PHC1: variants seen among roughly 807,000 people sequenced by gnomAD.
PHC1 encodes polyhomeotic-like protein 1.
PHC1 carries 12 observed loss-of-function variants against 104.3 expected under a neutral mutation model. The ratio of observed to expected loss-of-function variants is 0.12; its 90% confidence interval spans 0.07 to 0.19. The LOEUF (loss-of-function observed/expected upper bound fraction) is 0.19. Ranked by LOEUF, PHC1 falls within the 10% of genes least tolerant of loss-of-function variation. The probability of loss-of-function intolerance (pLI) is 1.00; values close to 1 mark genes in which losing one functional copy is unlikely to be tolerated. For missense variants in PHC1, 671 were observed against 1,200.0 expected, an observed-to-expected ratio of 0.56 and a Z score of 6.51; for synonymous variants, 302 against 455.8, an observed-to-expected ratio of 0.66 and a Z score of 4.30.
intron 10 of PHC1, among the ~76,000 whole-genome samples, 176 bp downstream of exon 10, chr12:8,934,654 A>G (rs1945783704): frequency 6.6e-6 from 1 of 151,938 alleles, no homozygotes; most frequent in African/African-American, 2.4e-5. Flanking sequence ...CCATAAAATG[A>G]AAATGTTAGG....
In PHC1 at chr12:8,921,785, G is replaced by T. The variant is rs200741576; in HGVS notation, c.456+35G>T. ...AGATGCAGTCACCATTGCCCCAGAGGCATAATTGTCTGGCCCTGGCAAAGA... is the reference window on the plus strand; with the variant it reads ...AGATGCAGTCACCATTGCCCCAGAGTCATAATTGTCTGGCCCTGGCAAAGA... On this transcript the variant is annotated intron_variant, in intron 5 of 14. Transcript: ENST00000544916. 3.2e-4 allele frequency: 498 copies of T among 1,536,340 alleles called. 1 individual carries two copies. Among genetic ancestry groups the T allele is most frequent in the Non-Finnish European group, 4.0e-4 (454 of 1,143,270 alleles).
In PHC1 at chr12:8,937,974, T is replaced by C. The variant is rs1287232722; in HGVS notation, c.2774T>C (p.Leu925Ser). The change falls in exon 14 of 15, where the codon TTA becomes TCA. Residue 925 changes from leucine (L) to serine (S), a missense_variant. By Grantham distance (145) the Leu-to-Ser change is moderately radical. This residue lies in a region of PHC1 where 192 missense variants were observed against 280.5 expected (regional missense o/e 0.68). Coordinates refer to ENST00000544916, the MANE Select transcript of PHC1 (RefSeq NM_004426.3). ...NPNTAPPTPELHGINPVFLSS... is the reference protein window; with the variant it reads ...NPNTAPPTPESHGINPVFLSS... ...AATACAGCTCCACCTACACCGGAAT[T>C]ACATGGCATCAACCCTGTGTTCCTG... is the stretch of plus-strand genomic sequence containing the variant. 1 of 1,605,866 alleles carries C rather than the reference T, an allele frequency of 6.2e-7. No individual in the cohort carries two copies. Among genetic ancestry groups the C allele is most frequent in the South Asian group, 1.1e-5 (1 of 90,692 alleles).
Position 8,935,009 on chromosome 12 carries a change from G to A in PHC1, c.2254-115G>A, listed in dbSNP as rs147789115. ...AAGTGATTCTCTCTGAACCAGACTT[G>A]GTCATTAACTCAGAGATCCAAGCAG... On this transcript the variant is annotated intron_variant, in intron 10 of 14. Transcript: ENST00000544916. 6.7e-4 allele frequency: 399 copies of A among 599,564 alleles called. 1 individual carries two copies. Among genetic ancestry groups the A allele is most frequent in the African/African-American group, 6.3e-3 (333 of 53,078 alleles). The allele number at this position is 599,564 out of a possible 1,614,324, so 37.1% of individuals were successfully genotyped here.
At chr12:8,934,575 T>G in intron 10 of PHC1, 97 bp downstream of exon 10, 1 of 795,598 alleles carries the variant, frequency 1.3e-6, no homozygotes, top group Non-Finnish European at 2.0e-6. Flanking sequence ...CAGAACTATT[T>G]AATGAAAGAA....
chr12:8,934,344 G>T lies in PHC1; in HGVS notation c.2119G>T (p.Val707Leu). The change falls in exon 10 of 15, where the codon GTA (valine) becomes TTA (leucine). Residue 707 changes from valine to leucine, a missense_variant. By Grantham distance (32) the Val-to-Leu change is conservative. Coordinates refer to ENST00000544916, the MANE Select transcript of PHC1 (RefSeq NM_004426.3). ...ELVALTPAPS[V>L]PPPTLAMVSR... ...AGTAGCCTTGACCCCCGCCCCTTCA[G>T]TACCGCCTCCTACACTAGCCATGGT... is the stretch of plus-strand genomic sequence containing the variant. 1 of 1,614,080 alleles carries T rather than the reference G, an allele frequency of 6.2e-7. No individual in the cohort carries two copies. The highest frequency in any genetic ancestry group is 8.5e-7 in the Non-Finnish European group (1 of 1,179,970).
In PHC1 at chr12:8,936,924, C is replaced by G. The variant is rs763300994; in HGVS notation, c.2437C>G (p.Arg813Gly). 6.2e-7 allele frequency: 1 copy of G among 1,612,906 alleles called. No individual in the cohort carries two copies. The highest frequency in any genetic ancestry group is 8.5e-7 in the Non-Finnish European group (1 of 1,179,010). ...GAAGTACGCCCCCGCAGAGCAGTTT[C>G]GTGGCTCTAAGAGGTTCTGCTCCAT... ...CGKYAPAEQF[R>G]GSKRFCSMTC... Residue 813 changes from arginine to glycine, a missense_variant, in exon 12 of 15, where the codon CGT becomes GGT. Physicochemically the swap from Arg to Gly is moderately radical, Grantham distance 125. Around this residue, in one of 9 missense-constraint regions of PHC1, gnomAD observed 192 missense variants for 280.5 expected, o/e 0.68. Coordinates refer to ENST00000544916, the MANE Select transcript of PHC1 (RefSeq NM_004426.3).
At chr12:8,920,023 C>T (rs1945315929) in intron 3 of PHC1, 157 bp downstream of exon 3, 6 of 1,177,352 alleles carry the variant, frequency 5.1e-6, no homozygotes, top group Non-Finnish European at 7.1e-6. Flanking sequence ...TGCATCTTAG[C>T]TTCTGGGGTT....
At chr12:8,920,103 C>T (rs143470799) in intron 3 of PHC1, among the ~76,000 whole-genome samples, 1 of 152,162 alleles carries the variant, frequency 6.6e-6, no homozygotes, top group African/African-American at 2.4e-5. Context: ...TGTCTAATAA[C>T]GTAGTCACTA....
At chr12:8,931,027 C>T (rs1945669312) in intron 7 of PHC1, 100 bp downstream of exon 7, 3 of 1,257,022 alleles carry the variant, frequency 2.4e-6, no homozygotes, top group Non-Finnish European at 3.3e-6. Context: ...TTGTTTTTTC[C>T]CCGCTTCTGT....
intron 4 of PHC1, 132 bp downstream of exon 4, chr12:8,921,197 T>G: frequency 1.5e-6 from 1 of 654,026 alleles, no homozygotes; most frequent in Non-Finnish European, 2.6e-6. Flanking sequence ...AAGTAGAGAA[T>G]AGTAGTACAA....
intron 13 of PHC1, 92 bp downstream of exon 13, chr12:8,937,418 G>A: frequency 8.3e-7 from 1 of 1,198,748 alleles, no homozygotes; most frequent in South Asian, 1.6e-5. Flanking sequence ...AAGAGGGTGT[G>A]AGATGAGAAC....
intron 3 of PHC1, among the ~76,000 whole-genome samples, chr12:8,920,315 A>G (rs1055331035): frequency 2.6e-5 from 4 of 152,242 alleles, no homozygotes; most frequent in Admixed American, 1.3e-4. Flanking sequence ...ACTTTTTAAA[A>G]CTTTGCATAG....
intron 6 of PHC1, among the ~76,000 whole-genome samples, chr12:8,929,863 A>G (rs925729246): frequency 5.9e-5 from 9 of 152,140 alleles, no homozygotes; most frequent in African/African-American, 2.2e-4. Context: ...AAATGCTGTT[A>G]TCAATATCTT....
At chr12:8,930,052 A>G (rs1388914974) in intron 6 of PHC1, among the ~76,000 whole-genome samples, 1 of 152,200 alleles carries the variant, frequency 6.6e-6, no homozygotes, top group Non-Finnish European at 1.5e-5. Context: ...CTTCTGTAGT[A>G]GAAAGTAATC....
chr12:8,933,571 A>G (rs987305921), intron 8 of PHC1: 1 of 674,860 alleles, frequency 1.5e-6, no homozygotes, highest in African/African-American at 1.8e-5. Flanking sequence ...GTATGTAATA[A>G]GTTAGATCAA....
At chr12:8,935,360 T>A (rs1227172539) in intron 11 of PHC1, 122 bp downstream of exon 11, 1 of 586,978 alleles carries the variant, frequency 1.7e-6, no homozygotes, top group Non-Finnish European at 3.0e-6. Flanking sequence ...GCACAGTGGC[T>A]CATGCCTGTA....
Position 8,935,174 on chromosome 12 carries a change from C to T in PHC1, c.2304C>T (p.Gly768=), listed in dbSNP as rs769515567. 3 of 1,592,906 alleles carry T rather than the reference C, an allele frequency of 1.9e-6. No homozygotes were observed. Among genetic ancestry groups the T allele is most frequent in the African/African-American group, 1.3e-5 (1 of 74,632 alleles). ...AGTCTGAGAAGCCACTACAGACTGG[C>T]CTTCCGACAGGGCTGACTGAGAATC... is the stretch of plus-strand genomic sequence containing the variant. ...LKESEKPLQT[G]LPTGLTENQS... The change falls in exon 11 of 15, where the codon GGC becomes GGT. Residue 768 remains glycine, a synonymous_variant. Transcript: ENST00000544916.
chr12:8,926,481 G>A (rs566462176), intron 6 of PHC1, among the ~76,000 whole-genome samples: 1 of 152,120 alleles, frequency 6.6e-6, no homozygotes, highest in Admixed American at 6.5e-5. Context: ...TTAGCCGGGT[G>A]TGGTGGTGCA....
rs1172357922 is a variant in PHC1, at chr12:8,919,601, A to AC, written c.115-155_115-154insC. Among the ~76,000 whole-genome samples the AC allele has an allele frequency of 2.0e-5, 3 of 152,184 alleles. No homozygotes were observed. The highest frequency in any genetic ancestry group is 7.2e-5 in the African/African-American group (3 of 41,444). On this transcript the variant is annotated intron_variant, in intron 2 of 14. Transcript: ENST00000544916. The surrounding 1 kb of genome is among the most constrained non-coding windows in gnomAD (Gnocchi z 4.9). ...AGCAGGTTGACTTTGCTCTAAAAAAATGAAGGAAAATCAGCCGTTGACGAT... is the reference window on the plus strand; with the variant it reads ...AGCAGGTTGACTTTGCTCTAAAAAAACTGAAGGAAAATCAGCCGTTGACGAT...
Sources: gnomAD v4.1 joint callset for allele counts (sites outside exome capture counted in the v4.1 genomes callset) on GRCh38, gnomAD v4.1.1 for gene constraint, gnomAD v4.1.1 regional missense constraint, Gnocchi (gnomAD v3.1) non-coding constraint, MANE v1.5 for transcripts, NCBI Gene and HGNC (gene_info 2026-07-23, HGNC 2026-07-21) for gene names.